Variants in PIK3C2G observed in about 807,000 individuals in gnomAD.
The protein encoded by PIK3C2G is phosphatidylinositol 3-kinase C2 domain-containing subunit gamma.
In PIK3C2G, 168 loss-of-function variants were observed where a neutral mutation model predicts 181.1. The observed-to-expected ratio is 0.93, with a 90% CI of 0.82 to 1.05. PIK3C2G has a LOEUF of 1.05. PIK3C2G is among the 50% of genes least tolerant of loss of function. The pLI, the probability that PIK3C2G is intolerant of heterozygous loss-of-function variation, is 0.00. For synonymous variants in PIK3C2G, 573 were observed against 592.2 expected (o/e 0.97, Z 0.47); for missense variants, 1,869 against 1,732.8 (o/e 1.08, Z -1.40).
At chr12:18,278,938 C>T (rs1413032802) in intron 1 of PIK3C2G, among the ~76,000 whole-genome samples, 2 of 151,972 alleles carry the variant, frequency 1.3e-5, no homozygotes, top group African/African-American at 4.8e-5. Context: ...AAAGATATTT[C>T]TCATTCTCCT....
At chr12:18,599,238 G>A (rs935587813) in intron 30 of PIK3C2G, among the ~76,000 whole-genome samples, 1 of 152,106 alleles carries the variant, frequency 6.6e-6, no homozygotes, top group Non-Finnish European at 1.5e-5. Flanking sequence ...GCAAAGACTT[G>A]GAACCAACCC....
rs1181220082 is a variant in PIK3C2G at position 18,392,228 on chromosome 12, T to C, written c.2126+976T>C. Among the ~76,000 whole-genome samples, 3 of 152,204 alleles carry C rather than the reference T, an allele frequency of 2.0e-5. No homozygotes were observed. In the East Asian group the frequency reaches 5.8e-4, roughly 29 times the overall value. On this transcript the variant is annotated intron_variant, in intron 15 of 32. Transcript: ENST00000538779. ...AATTAGAATTTTGGAGTAAGTCCCT[T>C]AAGAAATTAAAGAATCAAGGTTAAG...
At chr12:18,451,907 C>A (rs1167426118) in intron 18 of PIK3C2G, among the ~76,000 whole-genome samples, 1 of 152,170 alleles carries the variant, frequency 6.6e-6, no homozygotes, top group African/African-American at 2.4e-5. Flanking sequence ...AGCCTTGCAT[C>A]CCAGGGATGA....
At chr12:18,377,184 T>C (rs1020207050) in intron 13 of PIK3C2G, among the ~76,000 whole-genome samples, 1 of 152,136 alleles carries the variant, frequency 6.6e-6, no homozygotes, top group African/African-American at 2.4e-5. Context: ...ACATAGAATA[T>C]TATGGCTAAA....
chr12:18,651,119 C>T (rs1950496960), downstream of PIK3C2G, among the ~76,000 whole-genome samples: 1 of 152,004 alleles, frequency 6.6e-6, no homozygotes, highest in South Asian at 2.1e-4. Context: ...ATTATATCCT[C>T]CTATGCTTAT....
upstream of PIK3C2G, among the ~76,000 whole-genome samples, chr12:18,261,151 A>AC (rs1027022291): frequency 1.3e-5 from 2 of 152,142 alleles, no homozygotes; most frequent in African/African-American, 2.4e-5. Context: ...GCAAATTGAG[A>AC]CCACTGGTTT....
At chr12:18,338,663 C>CTGTGTG (rs199613361) in intron 9 of PIK3C2G, 115 bp downstream of exon 9, 6,977 of 413,478 alleles carry the variant, frequency 0.017, 62 homozygotes, top group Non-Finnish European at 0.02. Flanking sequence ...TTGTGTGTAT[C>CTGTGTG]TGTGTGTGTG....
chr12:18,447,558 G>A (rs963258519), intron 18 of PIK3C2G, among the ~76,000 whole-genome samples: 1 of 151,996 alleles, frequency 6.6e-6, no homozygotes, highest in Non-Finnish European at 1.5e-5. Flanking sequence ...AATTTTTCAC[G>A]GTAATGGAAA....
chr12:18,495,346 C>T (rs938176750), intron 20 of PIK3C2G, among the ~76,000 whole-genome samples: 5 of 151,910 alleles, frequency 3.3e-5, no homozygotes, highest in African/African-American at 1.2e-4. Context: ...AAGTAGTCAA[C>T]ATCACAAAGC....
chr12:18,405,147 C>T (rs1232174132), intron 16 of PIK3C2G, among the ~76,000 whole-genome samples: 1 of 152,122 alleles, frequency 6.6e-6, no homozygotes. Flanking sequence ...TTGAAAAGTT[C>T]TATTCTGGAT....
At chr12:18,641,443 C>T (rs1012106460) in intron 32 of PIK3C2G, among the ~76,000 whole-genome samples, 4 of 152,156 alleles carry the variant, frequency 2.6e-5, no homozygotes, top group Non-Finnish European at 5.9e-5. Flanking sequence ...GACCACAGCC[C>T]CATTCCTGAA....
intron 29 of PIK3C2G, among the ~76,000 whole-genome samples, chr12:18,573,773 C>T (rs1946095399): frequency 6.6e-6 from 1 of 152,162 alleles, no homozygotes; most frequent in Non-Finnish European, 1.5e-5. Flanking sequence ...GCTTCTCCGT[C>T]TCTTTCTTGT....
the PIK3C2G span, among the ~76,000 whole-genome samples, chr12:18,706,923 G>C: frequency 6.6e-6 from 1 of 152,274 alleles, no homozygotes; most frequent in South Asian, 2.1e-4. Context: ...TGTTGGTAAG[G>C]CTGCACTCCC....
chr12:18,598,389 G>A, intron 30 of PIK3C2G, among the ~76,000 whole-genome samples: 1 of 151,684 alleles, frequency 6.6e-6, no homozygotes, highest in Non-Finnish European at 1.5e-5. Flanking sequence ...AGAAAAACAA[G>A]CAATGGGGAA....
At chr12:18,264,653 A>ATT (rs796990323) in intron 1 of PIK3C2G, among the ~76,000 whole-genome samples, 1 of 147,700 alleles carries the variant, frequency 6.8e-6, no homozygotes, top group African/African-American at 2.5e-5. Context: ...AATAGGAGTA[A>ATT]TTTTTTTTTT....
At chr12:18,325,616 G>C (rs1288866270) in intron 8 of PIK3C2G, among the ~76,000 whole-genome samples, 2 of 151,096 alleles carry the variant, frequency 1.3e-5, no homozygotes, top group Non-Finnish European at 2.9e-5. Context: ...GCTGAGGCAG[G>C]AGAATAGCTT....
At chr12:18,458,838 G>T (rs1383797299) in intron 18 of PIK3C2G, among the ~76,000 whole-genome samples, 4 of 151,092 alleles carry the variant, frequency 2.6e-5, no homozygotes, top group African/African-American at 9.7e-5. Context: ...AGTGGCCCCT[G>T]GCTGACAGCC....
intron 8 of PIK3C2G, among the ~76,000 whole-genome samples, chr12:18,325,533 C>G (rs1159376889): frequency 6.6e-6 from 1 of 151,752 alleles, no homozygotes; most frequent in Non-Finnish European, 1.5e-5. Context: ...ATGGTGAAAC[C>G]CCGTCTCTAC....
At chr12:18,634,785 G>T (rs1949514401) in intron 31 of PIK3C2G, among the ~76,000 whole-genome samples, 1 of 152,158 alleles carries the variant, frequency 6.6e-6, no homozygotes, top group South Asian at 2.1e-4. Context: ...CCACAGAATG[G>T]CTCATCTTAT....
Sources: allele counts gnomAD v4.1 joint callset (sites outside exome capture counted in the v4.1 genomes callset), GRCh38; gene constraint gnomAD v4.1.1; transcripts MANE v1.5; gene names NCBI Gene and HGNC (gene_info 2026-07-23, HGNC 2026-07-21).